Variants in DACH2 observed in about 807,000 individuals in gnomAD.
DACH2 encodes the protein dachshund family transcription factor 2.
Under a neutral mutation model 35.8 loss-of-function variants are expected in DACH2, and 17 were observed. The ratio of observed to expected loss-of-function variants is 0.48; its 90% confidence interval spans 0.33 to 0.71. The LOEUF is 0.71. Ranked by LOEUF, DACH2 falls within the 30% of genes least tolerant of loss-of-function variation. DACH2 has a pLI of 0.02. For missense variants in DACH2, 469 were observed against 472.7 expected (o/e 0.99, Z 0.07); for synonymous variants, 195 against 177.3 (o/e 1.10, Z -0.79).
At chrX:86,532,680 A>C (rs181846651) in intron 3 of DACH2, among the ~76,000 whole-genome samples, 142 of 111,519 alleles carry the variant, frequency 1.3e-3, no homozygotes, top group African/African-American at 4.5e-3. Flanking sequence ...ATGAACTAAT[A>C]GTCTAGTTCA....
At chrX:86,724,929 T>A (rs780147278) in intron 6 of DACH2, among the ~76,000 whole-genome samples, 3 of 110,105 alleles carry the variant, frequency 2.7e-5, no homozygotes, top group Non-Finnish European at 5.7e-5. Flanking sequence ...CTGGTCTTCA[T>A]GTTATGAGAC....
At position 86,349,775 on chromosome X, in the gene DACH2, T is replaced by A. The variant is rs181797441; in HGVS notation, c.489-27049T>A. ...TGCATTTTACAGTAATCTTTTTTTTTTAATTTTTCTGTGATTCTTCTCATC... is the reference window on the plus strand; with the variant it reads ...TGCATTTTACAGTAATCTTTTTTTTATAATTTTTCTGTGATTCTTCTCATC... On this transcript the variant is annotated intron_variant, in intron 1 of 11. Transcript: ENST00000373125. 5.1e-3 allele frequency among the ~76,000 whole-genome samples: 576 copies of A among 112,371 alleles called. 5 individuals carry two copies. Among genetic ancestry groups the A allele is most frequent in the Non-Finnish European group, 8.6e-3 (457 of 53,281 alleles).
At chrX:86,504,231 G>A (rs868519155) in intron 2 of DACH2, among the ~76,000 whole-genome samples, 1 of 110,312 alleles carries the variant, frequency 9.1e-6, no homozygotes, top group Non-Finnish European at 1.9e-5. Flanking sequence ...AAGTTTCTCG[G>A]GGCCACAAAG....
chrX:86,288,255 G>A (rs1036668291), intron 1 of DACH2, among the ~76,000 whole-genome samples: 2 of 96,754 alleles, frequency 2.1e-5, no homozygotes, highest in African/African-American at 4.0e-5. Context: ...CTTTCCCTCT[G>A]TTCTGAGTCA....
chrX:86,808,984 A>G (rs1361661316), intron 7 of DACH2, among the ~76,000 whole-genome samples: 1 of 111,735 alleles, frequency 8.9e-6, no homozygotes, highest in Admixed American at 9.5e-5. Context: ...GTCAACTTTT[A>G]TATCTATTCA....
chrX:86,258,476 C>T (rs927764795), intron 1 of DACH2, among the ~76,000 whole-genome samples: 2 of 111,622 alleles, frequency 1.8e-5, no homozygotes, highest in African/African-American at 3.2e-5. Context: ...CTCATCTGCA[C>T]GTGCAATATC....
rs1312689233 is a variant in DACH2, at chrX:86,658,649, T to C, written c.772+7482T>C. ...GTGTACTATTTCTCATGGAGCTTTA[T>C]AATCAATCACTAAAGGTTATGGCTG... On this transcript the variant is annotated intron_variant, in intron 4 of 11. Transcript: ENST00000373125. Among the ~76,000 whole-genome samples the C allele has an allele frequency of 3.6e-5, 4 of 111,806 alleles. No homozygotes were observed. In the East Asian group the frequency reaches 1.1e-3, roughly 31 times the overall value.
At chrX:86,594,709 G>A (rs780191488) in intron 3 of DACH2, among the ~76,000 whole-genome samples, 5 of 111,135 alleles carry the variant, frequency 4.5e-5, no homozygotes, top group South Asian at 3.8e-4. Context: ...GGTCAGTCTT[G>A]GTAAATAATC....
intron 1 of DACH2, among the ~76,000 whole-genome samples, chrX:86,228,437 C>T (rs1489098589): frequency 1.9e-5 from 2 of 105,374 alleles, no homozygotes; most frequent in African/African-American, 7.3e-5. Flanking sequence ...ACTTCTTTTC[C>T]TCTGGGTAAA....
intron 3 of DACH2, among the ~76,000 whole-genome samples, chrX:86,602,424 C>G (rs1448604039): frequency 1.8e-5 from 2 of 111,963 alleles, no homozygotes; most frequent in Admixed American, 9.5e-5. Flanking sequence ...AAATGCCAAA[C>G]TGTTTTCCTG....
chrX:86,270,745 G>A (rs1369166545), intron 1 of DACH2, among the ~76,000 whole-genome samples: 1 of 111,444 alleles, frequency 9.0e-6, no homozygotes. Context: ...TTTGGATAAT[G>A]GAAAGACAGG....
rs1276947581 is a variant in DACH2 at position 86,813,282 on chromosome X, GT to G, written c.1537+9del. ...CAGTTGAGCTTCAAAGCAGAAGTAA[GT>G]TTTACAAGTTCAATTACAGAGTGAA... On this transcript the variant is annotated splice_donor_region_variant and intron_variant, in intron 9 of 11. Transcript: ENST00000373125. 2 of 1,185,601 alleles carry G rather than the reference GT, an allele frequency of 1.7e-6. No individual in the cohort carries two copies. Among genetic ancestry groups the G allele is most frequent in the Non-Finnish European group, 2.3e-6 (2 of 883,225 alleles).
chrX:86,503,932 C>T (rs956348457), intron 2 of DACH2, among the ~76,000 whole-genome samples: 9 of 111,280 alleles, frequency 8.1e-5, no homozygotes, highest in Non-Finnish European at 1.7e-4. Context: ...GAAAGTGATA[C>T]TGCTGTTGAC....
At chrX:86,303,449 T>A (rs976148764) in intron 1 of DACH2, among the ~76,000 whole-genome samples, 2 of 110,525 alleles carry the variant, frequency 1.8e-5, no homozygotes, top group Admixed American at 9.8e-5. Context: ...CATATTAGTC[T>A]GAGCTGTCCA....
At position 86,302,015 on chromosome X, in the gene DACH2, A is replaced by T. The variant is rs368056632; in HGVS notation, c.489-74809A>T. On this transcript the variant is annotated intron_variant, in intron 1 of 11. Coordinates refer to ENST00000373125, the MANE Select transcript of DACH2 (RefSeq NM_053281.3). ...TTAATGTGTAGTTAATGTCCTTTTT[A>T]TCTGGGAAAGTTTTGACTTCTGTCT... Among the ~76,000 whole-genome samples, 8 of 111,941 alleles carry T rather than the reference A, an allele frequency of 7.1e-5. No individual in the cohort carries two copies. In the East Asian group the frequency reaches 2.0e-3, roughly 27 times the overall value.
intron 2 of DACH2, among the ~76,000 whole-genome samples, chrX:86,394,842 A>G (rs970326190): frequency 5.3e-5 from 6 of 112,170 alleles, no homozygotes; most frequent in Non-Finnish European, 1.1e-4. Flanking sequence ...TGTAGTCACA[A>G]TAAATAACAC....
chrX:86,367,933 C>T (rs2035829776), intron 1 of DACH2, among the ~76,000 whole-genome samples: 1 of 111,144 alleles, frequency 9.0e-6, no homozygotes, highest in Admixed American at 9.6e-5. Flanking sequence ...TTTTCATCTC[C>T]ACCACCCTGA....
chrX:86,321,836 G>T (rs1406278379), intron 1 of DACH2, among the ~76,000 whole-genome samples: 1 of 112,268 alleles, frequency 8.9e-6, no homozygotes, highest in Non-Finnish European at 1.9e-5. Context: ...GGTCATCAGA[G>T]AACCTGCATA....
intron 5 of DACH2, among the ~76,000 whole-genome samples, chrX:86,703,314 A>G (rs1391540899): frequency 9.0e-6 from 1 of 111,576 alleles, no homozygotes; most frequent in Non-Finnish European, 1.9e-5. Context: ...CCAGCATCAT[A>G]CTGGAAGGTC....
Sources: allele counts gnomAD v4.1 joint callset (sites outside exome capture counted in the v4.1 genomes callset), GRCh38; gene constraint gnomAD v4.1.1; transcripts MANE v1.5; gene names NCBI Gene and HGNC (gene_info 2026-07-23, HGNC 2026-07-21).